UNC13C: variants seen among roughly 807,000 people sequenced by gnomAD.
UNC13C encodes the protein protein unc-13 homolog C.
A neutral mutation model predicts 245.4 loss-of-function variants in UNC13C; 174 were observed. The ratio of observed to expected loss-of-function variants is 0.71; its 90% confidence interval spans 0.63 to 0.80. UNC13C has a LOEUF of 0.80. Among genes scored for constraint, UNC13C ranks in the 30% least tolerant of loss-of-function variants. The pLI is 0.00. For missense variants in UNC13C, 2,829 were observed against 2,602.9 expected (o/e 1.09, Z -1.89); for synonymous variants, 992 against 895.1 (o/e 1.11, Z -1.93).
chr15:54,052,597 G>A (rs1414634119), intron 2 of UNC13C, among the ~76,000 whole-genome samples: 1 of 152,206 alleles, frequency 6.6e-6, no homozygotes, highest in East Asian at 1.9e-4. Context: ...AATGATAAAT[G>A]ACATGTTTAT....
intron 1 of UNC13C, among the ~76,000 whole-genome samples, chr15:54,010,591 G>A (rs1204437880): frequency 6.6e-6 from 1 of 152,138 alleles, no homozygotes; most frequent in Admixed American, 6.5e-5. Context: ...CCATTGCTGA[G>A]GCAGATGTGC....
At chr15:53,962,485 C>T in the UNC13C span, among the ~76,000 whole-genome samples, 6 of 152,014 alleles carry the variant, frequency 3.9e-5, no homozygotes, top group African/African-American at 1.4e-4. Flanking sequence ...TGTGTGTGTA[C>T]TTATTATATT....
At chr15:54,306,535 C>T (rs2037728341) in intron 13 of UNC13C, among the ~76,000 whole-genome samples, 1 of 151,782 alleles carries the variant, frequency 6.6e-6, no homozygotes, top group Non-Finnish European at 1.5e-5. Context: ...GTGTATGTTC[C>T]TAATAGTGTT....
At chr15:54,008,860 G>A (rs1895255851) in intron 1 of UNC13C, among the ~76,000 whole-genome samples, 1 of 152,178 alleles carries the variant, frequency 6.6e-6, no homozygotes, top group Non-Finnish European at 1.5e-5. Flanking sequence ...GTTTAGCTGT[G>A]CAGTTTTTGG....
At chr15:54,031,344 C>T (rs1013652546) in intron 2 of UNC13C, among the ~76,000 whole-genome samples, 2 of 152,196 alleles carry the variant, frequency 1.3e-5, no homozygotes, top group Non-Finnish European at 2.9e-5. Context: ...CTGCCTCAGC[C>T]TCCTGAGTAC....
the UNC13C span, among the ~76,000 whole-genome samples, chr15:53,954,150 T>A: frequency 6.6e-6 from 1 of 152,202 alleles, no homozygotes; most frequent in Non-Finnish European, 1.5e-5. Flanking sequence ...GTGCCCAATT[T>A]TACATACAGA....
At chr15:54,050,414 C>T in intron 2 of UNC13C, 1 of 554,804 alleles carries the variant, frequency 1.8e-6, no homozygotes, top group Non-Finnish European at 3.6e-6. Context: ...GGAATATTCT[C>T]TGGGAGTAGT....
chr15:54,212,021 T>C (rs572837077), intron 4 of UNC13C, among the ~76,000 whole-genome samples: 7 of 152,110 alleles, frequency 4.6e-5, no homozygotes, highest in Admixed American at 3.3e-4. Context: ...GTAGCTCAGA[T>C]GCTTTAGCTT....
At chr15:53,996,884 T>C (rs890342145) in intron 1 of UNC13C, among the ~76,000 whole-genome samples, 9 of 151,184 alleles carry the variant, frequency 6.0e-5, no homozygotes, top group Non-Finnish European at 3.0e-5. Context: ...AGAAAAAATC[T>C]TATACACATT....
chr15:54,059,697 C>T (rs551727349), intron 2 of UNC13C, among the ~76,000 whole-genome samples: 26 of 152,268 alleles, frequency 1.7e-4, no homozygotes, highest in East Asian at 1.2e-3. Flanking sequence ...GGAGGCATCA[C>T]GTTACCTGAC....
At chr15:54,504,072 G>A (rs1013151834) in intron 22 of UNC13C, among the ~76,000 whole-genome samples, 11 of 152,156 alleles carry the variant, frequency 7.2e-5, no homozygotes, top group African/African-American at 2.7e-4. Flanking sequence ...TATGATGAGT[G>A]ATAAAATGGG....
At chr15:54,271,094 G>A (rs2036677270) in intron 10 of UNC13C, among the ~76,000 whole-genome samples, 1 of 152,064 alleles carries the variant, frequency 6.6e-6, no homozygotes, top group African/African-American at 2.4e-5. Context: ...AAAACAAAGA[G>A]TTTGAATTTA....
chr15:54,354,487 G>A (rs1299819614), intron 17 of UNC13C, among the ~76,000 whole-genome samples: 1 of 152,134 alleles, frequency 6.6e-6, no homozygotes, highest in Non-Finnish European at 1.5e-5. Flanking sequence ...ACTCTGAAAT[G>A]CATATACTGT....
intron 30 of UNC13C, among the ~76,000 whole-genome samples, chr15:54,589,887 TC>T (rs1433324935): frequency 6.6e-6 from 1 of 152,168 alleles, no homozygotes; most frequent in Non-Finnish European, 1.5e-5. Flanking sequence ...GGAGGGTTTT[TC>T]CAATGTTATC....
At chr15:54,232,473 A>C (rs774914911) in intron 4 of UNC13C, among the ~76,000 whole-genome samples, 1 of 152,130 alleles carries the variant, frequency 6.6e-6, no homozygotes, top group African/African-American at 2.4e-5. Context: ...CTGATTCCCA[A>C]ATTTGTGGGT....
intron 11 of UNC13C, 43 bp downstream of exon 11, chr15:54,294,107 C>A: frequency 6.9e-7 from 1 of 1,445,972 alleles, no homozygotes; most frequent in Non-Finnish European, 9.1e-7. Flanking sequence ...TTAAATAAAA[C>A]CCCTGAATAC....
intron 3 of UNC13C, 67 bp from the exon 4 acceptor site, chr15:54,143,553 C>T (rs1201010470): frequency 6.7e-6 from 9 of 1,339,580 alleles, no homozygotes; most frequent in South Asian, 2.5e-5. Context: ...GTCCCGATTT[C>T]GTGTACATAA....
the UNC13C span, among the ~76,000 whole-genome samples, chr15:53,885,385 C>T: frequency 6.6e-6 from 1 of 152,192 alleles, no homozygotes; most frequent in Non-Finnish European, 1.5e-5. Context: ...CCTTTAAAGA[C>T]CCTTATTCCA....
At chr15:54,253,438 G>T (rs1361133936) in intron 8 of UNC13C, among the ~76,000 whole-genome samples, 1 of 152,190 alleles carries the variant, frequency 6.6e-6, no homozygotes, top group Non-Finnish European at 1.5e-5. Context: ...TAGACACAGG[G>T]TGGTAAGAAG....
Sources: allele counts gnomAD v4.1 joint callset (sites outside exome capture counted in the v4.1 genomes callset), GRCh38; gene constraint gnomAD v4.1.1; transcripts MANE v1.5; gene names NCBI Gene and HGNC (gene_info 2026-07-23, HGNC 2026-07-21).